The following EXOC4 variants were observed in gnomAD, a reference collection of about 807,000 sequenced individuals.
EXOC4 encodes the protein exocyst complex component 4.
EXOC4 carries 71 observed loss-of-function variants against 107.2 expected under a neutral mutation model. The ratio of observed to expected loss-of-function variants is 0.66; its 90% CI spans 0.55 to 0.81. The LOEUF is 0.81. Ranked by LOEUF, EXOC4 falls within the 30% of genes least tolerant of loss-of-function variation. EXOC4 has a pLI of 0.00. For missense variants in EXOC4, 1,108 were observed against 1,189.6 expected, an observed-to-expected ratio of 0.93 and a Z score of 1.01; for synonymous variants, 456 against 441.2, an observed-to-expected ratio of 1.03 and a Z score of -0.42.
intron 9 of EXOC4, among the ~76,000 whole-genome samples, chr7:133,505,460 T>G (rs1223299569): frequency 6.6e-6 from 1 of 152,136 alleles, no homozygotes; most frequent in African/African-American, 2.4e-5. Context: ...AAATGGTCAG[T>G]GAAAAAGAAT....
At chr7:133,316,475 G>C (rs1398210120) in intron 4 of EXOC4, among the ~76,000 whole-genome samples, 1 of 152,166 alleles carries the variant, frequency 6.6e-6, no homozygotes, top group Non-Finnish European at 1.5e-5. Flanking sequence ...CATTTCTTGA[G>C]AGCAGGGCAT....
chr7:134,004,381 G>T (rs1174571758), intron 15 of EXOC4, among the ~76,000 whole-genome samples: 1 of 152,118 alleles, frequency 6.6e-6, no homozygotes, highest in Non-Finnish European at 1.5e-5. Flanking sequence ...ATATTTCGTG[G>T]ATAAGGAACT....
chr7:133,826,716 A>G (rs773643473), intron 11 of EXOC4, among the ~76,000 whole-genome samples: 15 of 152,184 alleles, frequency 9.9e-5, no homozygotes, highest in Non-Finnish European at 1.9e-4. Context: ...AATATTTTCT[A>G]CCAAGTAGAA....
At chr7:133,455,827 A>G (rs996275601) in intron 7 of EXOC4, among the ~76,000 whole-genome samples, 2 of 152,232 alleles carry the variant, frequency 1.3e-5, no homozygotes, top group Admixed American at 6.5e-5. Flanking sequence ...TGATGTTTCA[A>G]ACATCAAAAG....
At chr7:133,717,952 A>C (rs552384752) in intron 10 of EXOC4, among the ~76,000 whole-genome samples, 2 of 152,348 alleles carry the variant, frequency 1.3e-5, no homozygotes, top group South Asian at 4.1e-4. Flanking sequence ...GGACTTCTTC[A>C]CAGAGGGAAT....
chr7:134,040,963 T>G (rs778238618), intron 17 of EXOC4, among the ~76,000 whole-genome samples: 1 of 152,178 alleles, frequency 6.6e-6, no homozygotes, highest in African/African-American at 2.4e-5. Flanking sequence ...CTGTGACACA[T>G]GATCAGCTGG....
At chr7:134,100,163 G>C in the EXOC4 span, among the ~76,000 whole-genome samples, 4 of 152,072 alleles carry the variant, frequency 2.6e-5, no homozygotes, top group Admixed American at 2.0e-4. Flanking sequence ...AATGGGTGAG[G>C]AAAATACCTT....
chr7:133,359,156 T>A (rs1212716243), intron 6 of EXOC4, among the ~76,000 whole-genome samples: 1 of 152,202 alleles, frequency 6.6e-6, no homozygotes, highest in African/African-American at 2.4e-5. Context: ...AGATCAAAGA[T>A]TAAATTTTGG....
At chr7:133,642,845 C>G (rs938511489) in intron 10 of EXOC4, among the ~76,000 whole-genome samples, 8 of 152,078 alleles carry the variant, frequency 5.3e-5, no homozygotes, top group African/African-American at 1.9e-4. Flanking sequence ...GTCTGTCATG[C>G]TATTTTCAAA....
At chr7:133,422,140 C>G (rs956080691) in intron 7 of EXOC4, among the ~76,000 whole-genome samples, 5 of 152,072 alleles carry the variant, frequency 3.3e-5, no homozygotes, top group Non-Finnish European at 7.4e-5. Context: ...GCTTTTGGGC[C>G]CATCATTTTT....
intron 17 of EXOC4, among the ~76,000 whole-genome samples, chr7:134,047,058 G>C (rs2116559292): frequency 6.6e-6 from 1 of 152,298 alleles, no homozygotes. Context: ...AATTATGTGT[G>C]TTAGCTGGCT....
chr7:133,985,190 T>C (rs1794086463), intron 14 of EXOC4, among the ~76,000 whole-genome samples: 1 of 152,194 alleles, frequency 6.6e-6, no homozygotes, highest in African/African-American at 2.4e-5. Flanking sequence ...TTATGACCAG[T>C]GGTTGGGGGA....
At chr7:133,722,752 G>A (rs141806135) in intron 10 of EXOC4, among the ~76,000 whole-genome samples, 1 of 152,306 alleles carries the variant, frequency 6.6e-6, no homozygotes, top group African/African-American at 2.4e-5. Flanking sequence ...GCAAAGTGGT[G>A]TATAATATCA....
rs1212705635 is a variant in EXOC4, at chr7:134,046,672, C to T, written c.2688-17619C>T. On this transcript the variant is annotated intron_variant, in intron 17 of 17. Transcript: ENST00000253861. ...ACTCCAGGCCTCAGTTACCTGCGTT[C>T]GTTAATGTTGGTTCCCAGGGAAAAC... is the stretch of plus-strand genomic sequence containing the variant. Among the ~76,000 whole-genome samples the T allele has an allele frequency of 4.6e-5, 7 of 151,838 alleles. No individual in the cohort carries two copies. The East Asian group carries it at 5.8e-4, about 13-fold the overall frequency.
chr7:133,662,579 C>G (rs577829862), intron 10 of EXOC4, among the ~76,000 whole-genome samples: 1 of 151,738 alleles, frequency 6.6e-6, no homozygotes, highest in South Asian at 2.1e-4. Context: ...AGTTTAAGAG[C>G]GTTATTTAAT....
At chr7:133,983,893 C>A (rs1794052837) in intron 14 of EXOC4, among the ~76,000 whole-genome samples, 1 of 152,166 alleles carries the variant, frequency 6.6e-6, no homozygotes, top group African/African-American at 2.4e-5. Flanking sequence ...CCCTACCCAC[C>A]CTGTTTCTCT....
chr7:133,577,243 A>G (rs1258782687), intron 9 of EXOC4, among the ~76,000 whole-genome samples: 1 of 152,186 alleles, frequency 6.6e-6, no homozygotes, highest in Non-Finnish European at 1.5e-5. Flanking sequence ...GACCTCAGGA[A>G]GCTTGCAAGT....
intron 9 of EXOC4, among the ~76,000 whole-genome samples, chr7:133,491,061 A>G (rs1049005183): frequency 3.7e-4 from 56 of 152,234 alleles, no homozygotes; most frequent in African/African-American, 1.3e-3. Context: ...TTCTATATGG[A>G]GATTGCAGAG....
chr7:133,792,369 G>A (rs1796720518), intron 10 of EXOC4, among the ~76,000 whole-genome samples: 1 of 151,992 alleles, frequency 6.6e-6, no homozygotes, highest in South Asian at 2.1e-4. Context: ...CCTGAGCAAT[G>A]TAGTGAGACC....
Sources: gnomAD v4.1 joint callset for allele counts (sites outside exome capture counted in the v4.1 genomes callset) on GRCh38, gnomAD v4.1.1 for gene constraint, MANE v1.5 for transcripts, NCBI Gene and HGNC (gene_info 2026-07-23, HGNC 2026-07-21) for gene names.